ORC3: variants seen among roughly 807,000 people sequenced by gnomAD.
ORC3 encodes origin recognition complex subunit 3, also known as homolog of latheo, Drosophila.
In ORC3, 78 loss-of-function variants were observed where a neutral mutation model predicts 100.7. The observed-to-expected ratio is 0.77, with a 90% CI of 0.65 to 0.94. The LOEUF is 0.94. Ranked by LOEUF, ORC3 falls within the 40% of genes least tolerant of loss-of-function variation. The pLI, the probability that ORC3 is intolerant of heterozygous loss-of-function variation, is 0.00. For missense variants in ORC3, 789 were observed against 823.9 expected, an observed-to-expected ratio of 0.96 and a Z score of 0.52; for synonymous variants, 295 against 289.3, an observed-to-expected ratio of 1.02 and a Z score of -0.20.
intron 17 of ORC3, 80 bp from the exon 18 acceptor site, chr6:87,664,663 G>A (rs146237627): frequency 1.0e-5 from 11 of 1,095,286 alleles, no homozygotes; most frequent in African/African-American, 4.7e-5. Context: ...CTCAGTTTAG[G>A]TTGGGGGCTT....
At position 87,594,401 on chromosome 6, in the gene ORC3, C is replaced by G. The variant is rs1482405534; in HGVS notation, c.73C>G (p.Pro25Ala). ...CTCCAAAAAGAGAAAGATCTCTCTG[C>G]CAATAGGTAAGGTGTCTGAATATTA... Reference protein sequence around the residue: ...PNSKKRKISLPIEDYFNKGKN... With the variant: ...PNSKKRKISLAIEDYFNKGKN... The change falls in exon 2 of 20, where the codon CCA (proline) becomes GCA (alanine). Residue 25 changes from proline to alanine, a missense_variant. Physicochemically the swap from Pro to Ala is conservative, Grantham distance 27. This residue lies in a region of ORC3 where 399 missense variants were observed against 382.0 expected (regional missense o/e 1.04). Coordinates refer to ENST00000392844, the MANE Select transcript of ORC3 (RefSeq NM_012381.4). The G allele has an allele frequency of 6.3e-6, 10 of 1,580,768 alleles. No individual in the cohort carries two copies. Among genetic ancestry groups the G allele is most frequent in the Non-Finnish European group, 7.8e-6 (9 of 1,157,026 alleles).
chr6:87,614,015 T>C (rs1331378371), intron 8 of ORC3, among the ~76,000 whole-genome samples: 1 of 152,216 alleles, frequency 6.6e-6, no homozygotes, highest in Admixed American at 6.5e-5. Context: ...AAGGACTCTG[T>C]GTGGGGACTC....
intron 2 of ORC3, among the ~76,000 whole-genome samples, chr6:87,598,130 G>A (rs1199165390): frequency 1.3e-5 from 2 of 152,084 alleles, no homozygotes; most frequent in Admixed American, 1.3e-4. Context: ...CCTGGGCTCC[G>A]GGAATCCTCC....
At chr6:87,628,013 A>T (rs549225287) in intron 11 of ORC3, among the ~76,000 whole-genome samples, 1 of 152,236 alleles carries the variant, frequency 6.6e-6, no homozygotes, top group East Asian at 1.9e-4. Context: ...TTATGGATCC[A>T]CTGCTTCAGA....
rs1015357433 is a variant in ORC3 at position 87,666,276 on chromosome 6, T to C, written c.2030+443T>C. Among the ~76,000 whole-genome samples, 13 of 147,292 alleles carry C rather than the reference T, an allele frequency of 8.8e-5. No individual in the cohort carries two copies. The East Asian group carries it at 1.0e-3, about 12-fold the overall frequency. On this transcript the variant is annotated intron_variant, in intron 19 of 19. Transcript: ENST00000392844. ...CCTCCCAAGTAGCTGGGATTACAGG[T>C]GCCTGCCACCAAGCCCAGCTAATTT...
chr6:87,676,505 C>A, the ORC3 span, among the ~76,000 whole-genome samples: 5 of 149,558 alleles, frequency 3.3e-5, no homozygotes, highest in African/African-American at 1.2e-4. Flanking sequence ...AGCTGTAATC[C>A]CAGCACTTTG....
At chr6:87,644,078 C>CTTTTTTT (rs1562366830) in intron 13 of ORC3, among the ~76,000 whole-genome samples, 4 of 86,318 alleles carry the variant, frequency 4.6e-5, no homozygotes, top group African/African-American at 2.2e-4. Context: ...GGCTGACTGT[C>CTTTTTTT]CTTTTTTTTT....
At chr6:87,633,112 A>T (rs1487797025) in intron 11 of ORC3, among the ~76,000 whole-genome samples, 1 of 152,186 alleles carries the variant, frequency 6.6e-6, no homozygotes, top group African/African-American at 2.4e-5. Flanking sequence ...CTACTGCATC[A>T]CCCAGATACT....
At chr6:87,639,111 CAAGAT>C (rs1168678619) in intron 13 of ORC3, among the ~76,000 whole-genome samples, 1 of 152,014 alleles carries the variant, frequency 6.6e-6, no homozygotes. Context: ...ATCCCATTCT[CAAGAT>C]AATCTCATTA....
Position 87,665,778 on chromosome 6 carries a change from G to T in ORC3, c.1975G>T (p.Ala659Ser), listed in dbSNP as rs760095466. Reference sequence around the variant, plus strand: ...GGCTTTTGCAACAGTTGTGACAGCTGCTGAAAAAATGGATGCAAATTCTGC... The same window carrying T: ...GGCTTTTGCAACAGTTGTGACAGCTTCTGAAAAAATGGATGCAAATTCTGC... ...SEAFATVVTAAEKMDANSATS... is the reference protein window; with the variant it reads ...SEAFATVVTASEKMDANSATS... Residue 659 changes from alanine (A) to serine (S), a missense_variant, in exon 19 of 20, where the codon GCT becomes TCT. Physicochemically the swap from Ala to Ser is moderately conservative, Grantham distance 99. Coordinates refer to ENST00000392844, the MANE Select transcript of ORC3 (RefSeq NM_012381.4). 6 of 1,612,078 alleles carry T rather than the reference G, an allele frequency of 3.7e-6. No individual in the cohort carries two copies. The highest frequency in any genetic ancestry group is 1.7e-5 in the Admixed American group (1 of 60,000).
intron 13 of ORC3, among the ~76,000 whole-genome samples, chr6:87,645,638 C>T (rs1357018861): frequency 6.6e-6 from 1 of 152,110 alleles, no homozygotes; most frequent in Non-Finnish European, 1.5e-5. Flanking sequence ...TTTGAAAACT[C>T]GTCAGGCAAA....
chr6:87,604,569 A>G (rs1778195044), intron 4 of ORC3, among the ~76,000 whole-genome samples: 2 of 152,176 alleles, frequency 1.3e-5, no homozygotes, highest in African/African-American at 4.8e-5. Context: ...TGAGGAGAAC[A>G]TTTTTCTAGT....
At chr6:87,635,343 A>G (rs1031702638) in intron 12 of ORC3, among the ~76,000 whole-genome samples, 1 of 152,236 alleles carries the variant, frequency 6.6e-6, no homozygotes, top group Non-Finnish European at 1.5e-5. Context: ...CAGAATAAAA[A>G]GAGAAGCAGT....
intron 1 of ORC3, among the ~76,000 whole-genome samples, chr6:87,590,794 A>G (rs1776795545): frequency 6.6e-6 from 1 of 152,188 alleles, no homozygotes; most frequent in South Asian, 2.1e-4. Context: ...GAAGATAGAA[A>G]TAAAATGGCA....
At chr6:87,645,756 G>T (rs779394123) in intron 13 of ORC3, among the ~76,000 whole-genome samples, 1 of 149,372 alleles carries the variant, frequency 6.7e-6, no homozygotes, top group Non-Finnish European at 1.5e-5. Flanking sequence ...CTTTCTGTAT[G>T]ATGAAGCAGA....
chr6:87,652,535 C>T (rs1475964047), intron 13 of ORC3, among the ~76,000 whole-genome samples: 1 of 152,124 alleles, frequency 6.6e-6, no homozygotes, highest in African/African-American at 2.4e-5. Flanking sequence ...TTATAAAGCC[C>T]ATAGGAGATG....
chr6:87,598,013 G>A (rs1369567662), intron 2 of ORC3, among the ~76,000 whole-genome samples: 1 of 152,040 alleles, frequency 6.6e-6, no homozygotes, highest in Non-Finnish European at 1.5e-5. Flanking sequence ...AATATTTCTT[G>A]GATGTTTACA....
chr6:87,599,662 G>A (rs1402397375), intron 2 of ORC3, among the ~76,000 whole-genome samples: 3 of 150,826 alleles, frequency 2.0e-5, no homozygotes, highest in Non-Finnish European at 4.4e-5. Flanking sequence ...CACCACGCTG[G>A]CCTGCTTTGT....
chr6:87,598,534 T>C (rs1170739451), intron 2 of ORC3, among the ~76,000 whole-genome samples: 1 of 152,226 alleles, frequency 6.6e-6, no homozygotes, highest in Non-Finnish European at 1.5e-5. Context: ...GCCAAGTTTC[T>C]ATTTAGAACT....
Sources: allele counts gnomAD v4.1 joint callset (sites outside exome capture counted in the v4.1 genomes callset), GRCh38; gene constraint gnomAD v4.1.1; regional missense constraint gnomAD v4.1.1; transcripts MANE v1.5; gene names NCBI Gene and HGNC (gene_info 2026-07-23, HGNC 2026-07-21).